GUCD1: variants seen among roughly 807,000 people sequenced by gnomAD.
GUCD1 encodes guanylyl cyclase domain containing 1.
GUCD1 carries 17 observed loss-of-function variants against 28.3 expected under a neutral mutation model. The ratio of observed to expected loss-of-function variants is 0.60; its 90% confidence interval spans 0.41 to 0.90. The LOEUF (loss-of-function observed/expected upper bound fraction) is 0.90, where lower values mean the gene tolerates loss of function less well. GUCD1 is among the 40% of genes least tolerant of loss of function. GUCD1 has a pLI of 0.00. For missense variants in GUCD1, 279 were observed against 305.5 expected, an observed-to-expected ratio of 0.91 and a Z score of 0.65; for synonymous variants, 129 against 123.3, an observed-to-expected ratio of 1.05 and a Z score of -0.30.
intron 2 of GUCD1, among the ~76,000 whole-genome samples, chr22:24,548,294 TTG>T (rs1229811033): frequency 1.3e-5 from 2 of 152,208 alleles, no homozygotes; most frequent in African/African-American, 2.4e-5. Context: ...CTCAAATCTA[TTG>T]TGTCTTGTGG....
chr22:24,554,883 C>G, intron 1 of GUCD1, 66 bp downstream of exon 1: 1 of 1,333,256 alleles, frequency 7.5e-7, no homozygotes, highest in East Asian at 2.6e-5. Context: ...CTGGACCCTG[C>G]CCCGCGCTAG....
At chr22:24,546,786 G>T in intron 4 of GUCD1, 128 bp downstream of exon 4, 1 of 791,214 alleles carries the variant, frequency 1.3e-6, no homozygotes, top group South Asian at 1.5e-5. Context: ...ACAGCCACCC[G>T]GGTAGCCAGT....
intron 5 of GUCD1, 103 bp downstream of exon 5, chr22:24,543,739 G>A (rs1302571419): frequency 2.1e-6 from 3 of 1,413,884 alleles, no homozygotes; most frequent in Non-Finnish European, 1.9e-6. Flanking sequence ...TAGGGAGGGA[G>A]GCCCTGGCCA....
At chr22:24,545,992 C>A (rs185055794) in intron 4 of GUCD1, among the ~76,000 whole-genome samples, 1 of 148,596 alleles carries the variant, frequency 6.7e-6, no homozygotes, top group African/African-American at 2.5e-5. Context: ...GACAGAGTCT[C>A]GCTCTGTCCC....
At chr22:24,555,219 T>C (rs2045019602), upstream of GUCD1, 6 of 776,852 alleles carry the variant, frequency 7.7e-6, no homozygotes, top group Admixed American at 9.5e-5. Context: ...CGCCCCAAAC[T>C]TTGATCTTAG....
Position 24,549,008 on chromosome 22 carries a change from A to G in GUCD1, c.44-7T>C. On this transcript the variant is annotated splice_region_variant and splice_polypyrimidine_tract_variant and intron_variant, in intron 1 of 5. Coordinates refer to ENST00000435822, the MANE Select transcript of GUCD1 (RefSeq NM_001284254.2). ...GGCAGTTGCACAAAGTCCCCTGTGC[A>G]GAAACAGAGGGAGGTCACAGACCCT... is the stretch of plus-strand genomic sequence containing the variant. 1 of 1,563,644 alleles carries G rather than the reference A, an allele frequency of 6.4e-7. No homozygotes were observed. Among genetic ancestry groups the G allele is most frequent in the Non-Finnish European group, 8.7e-7 (1 of 1,152,280 alleles).
At chr22:24,555,618 G>T (rs759712056), upstream of GUCD1, 3 of 1,550,524 alleles carry the variant, frequency 1.9e-6, no homozygotes, top group Non-Finnish European at 2.6e-6. Flanking sequence ...CCCTTACCTG[G>T]CGGTGCCGGG....
upstream of GUCD1, chr22:24,555,350 A>AGCCCC (rs756947713): frequency 1.3e-3 from 1,725 of 1,363,194 alleles, 1 homozygote; most frequent in Non-Finnish European, 1.5e-3. Context: ...GGGCCCCGGA[A>AGCCCC]GCCCCGCCCC....
At chr22:24,545,793 C>G (rs141654320) in intron 4 of GUCD1, among the ~76,000 whole-genome samples, 1 of 151,480 alleles carries the variant, frequency 6.6e-6, no homozygotes, top group Non-Finnish European at 1.5e-5. Context: ...TTAGTAGAGA[C>G]GGGGTTTCAC....
chr22:24,555,607 C>G, upstream of GUCD1: 1 of 1,550,602 alleles, frequency 6.4e-7, no homozygotes, highest in Non-Finnish European at 8.7e-7. Context: ...ACTCAGGGCC[C>G]CCCTTACCTG....
At position 24,549,577 on chromosome 22, in the gene GUCD1, T is replaced by C. The variant is rs369301672; in HGVS notation, c.44-576A>G. Among the ~76,000 whole-genome samples, 45 of 152,248 alleles carry C rather than the reference T, an allele frequency of 3.0e-4. No homozygotes were observed. The East Asian group carries it at 6.9e-3, about 24-fold the overall frequency. On this transcript the variant is annotated intron_variant, in intron 1 of 5. Transcript: ENST00000435822. ...CACAGGCTGGAGTGCAGTGGCATGATCTCGGCTCACTGCAACCTGCGATTC... is the reference window on the plus strand; with the variant it reads ...CACAGGCTGGAGTGCAGTGGCATGACCTCGGCTCACTGCAACCTGCGATTC...
rs1477484166 is a variant in GUCD1, at chr22:24,542,676, G to A, written c.*330C>T. 1 of 337,040 alleles carries A rather than the reference G, an allele frequency of 3.0e-6. No homozygotes were observed. The highest frequency in any genetic ancestry group is 5.8e-6 in the Non-Finnish European group (1 of 172,194). The allele number at this position is 337,040 out of a possible 1,614,324, so 20.9% of individuals were successfully genotyped here. A position where few individuals can be genotyped will look rare whatever the true frequency, so the allele number is the denominator to read the frequency against. ...CCAGGCTCAGTCCTGCGGTCTGTGG[G>A]GAGACCATTGCCATGGATCTGGCTC... On this transcript the variant is annotated 3_prime_UTR_variant, in exon 6 of 6. Coordinates refer to ENST00000435822, the MANE Select transcript of GUCD1 (RefSeq NM_001284254.2).
intron 1 of GUCD1, among the ~76,000 whole-genome samples, chr22:24,551,294 C>T (rs2044865266): frequency 1.3e-5 from 2 of 152,214 alleles, no homozygotes; most frequent in Admixed American, 6.5e-5. Flanking sequence ...TCACTCAAGG[C>T]GCTCACATGT....
rs548918718 is a variant in GUCD1 at position 24,544,091 on chromosome 22, C to T, written c.387-8G>A. The T allele has an allele frequency of 1.1e-5, 18 of 1,595,448 alleles. No homozygotes were observed. Among genetic ancestry groups the T allele is most frequent in the South Asian group, 4.4e-5 (4 of 90,776 alleles). ...TCCTTCACACTCACTGTGCTGTGGG[C>T]GGGAGGGGGGTCAGCTGGTGCTGCT... is the stretch of plus-strand genomic sequence containing the variant. On this transcript the variant is annotated splice_polypyrimidine_tract_variant and splice_region_variant and intron_variant, in intron 4 of 5. Transcript: ENST00000435822.
chr22:24,543,781 C>G, intron 5 of GUCD1, 61 bp downstream of exon 5: 1 of 1,582,408 alleles, frequency 6.3e-7, no homozygotes, highest in South Asian at 1.2e-5. Flanking sequence ...ACTGTGGGCA[C>G]TGGGCATACA....
rs535502830 is a variant in GUCD1 at position 24,547,785 on chromosome 22, G to A, written c.294+123C>T. 10 of 998,474 alleles carry A rather than the reference G, an allele frequency of 1.0e-5. No individual in the cohort carries two copies. The African/African-American group carries it at 1.6e-4, about 16-fold the overall frequency. The allele number at this position is 998,474 out of a possible 1,614,324, so 61.9% of individuals were successfully genotyped here. On this transcript the variant is annotated intron_variant, in intron 3 of 5. Transcript: ENST00000435822. Reference sequence around the variant, plus strand: ...TCTCTGCTGCTGCTCCCTGGTCTCTGCACACCTGGGTATCTACCTGGGTGT... The same window carrying A: ...TCTCTGCTGCTGCTCCCTGGTCTCTACACACCTGGGTATCTACCTGGGTGT...
intron 1 of GUCD1, among the ~76,000 whole-genome samples, chr22:24,553,353 C>T (rs2044934171): frequency 6.6e-6 from 1 of 152,224 alleles, no homozygotes; most frequent in South Asian, 2.1e-4. Context: ...ATGCTCTAAT[C>T]CCTCTCACTC....
rs145940654 is a variant in GUCD1 at position 24,548,170 on chromosome 22, C to G, written c.129-97G>C. 177 of 1,021,836 alleles carry G rather than the reference C, an allele frequency of 1.7e-4. No homozygotes were observed. In the African/African-American group the frequency reaches 2.5e-3, roughly 14 times the overall value. 63.3% of individuals were successfully genotyped at this position (1,021,836 alleles called of 1,614,324 possible). ...TGGCCCAAGAGCCCCGTCACAGGTCCCATTCCCCAGAAGTCTCCCTCCTTC... is the reference window on the plus strand; with the variant it reads ...TGGCCCAAGAGCCCCGTCACAGGTCGCATTCCCCAGAAGTCTCCCTCCTTC... On this transcript the variant is annotated intron_variant, in intron 2 of 5. Transcript: ENST00000435822.
At chr22:24,545,848 C>G (rs959053551) in intron 4 of GUCD1, among the ~76,000 whole-genome samples, 1 of 152,068 alleles carries the variant, frequency 6.6e-6, no homozygotes, top group South Asian at 2.1e-4. Flanking sequence ...GCCTCGGCCT[C>G]CCAAAGTGCT....
Sources: gnomAD v4.1 joint callset for allele counts (sites outside exome capture counted in the v4.1 genomes callset) on GRCh38, gnomAD v4.1.1 for gene constraint, MANE v1.5 for transcripts, NCBI Gene and HGNC (gene_info 2026-07-23, HGNC 2026-07-21) for gene names.